CSMD1: variants seen among roughly 807,000 people sequenced by gnomAD.
The protein encoded by CSMD1 is CUB and Sushi multiple domains 1, also known as CUB and sushi domain-containing protein 1.
CSMD1 carries 213 observed loss-of-function variants against 417.5 expected under a neutral mutation model. The ratio of observed to expected loss-of-function variants is 0.51; its 90% CI spans 0.46 to 0.57. CSMD1 has a LOEUF of 0.57. Among genes scored for constraint, CSMD1 ranks in the 20% least tolerant of loss-of-function variants. The probability of loss-of-function intolerance (pLI) is 0.00; values close to 1 mark genes in which losing one functional copy is unlikely to be tolerated. For synonymous variants in CSMD1, 2,862 were observed against 1,736.8 expected, an observed-to-expected ratio of 1.65 and a Z score of -16.11; for missense variants, 6,923 against 4,529.7, an observed-to-expected ratio of 1.53 and a Z score of -15.17.
At position 4,187,625 on chromosome 8, in the gene CSMD1, G is replaced by C. The variant is rs186780701; in HGVS notation, c.416-155526C>G. 8.0e-5 allele frequency among the ~76,000 whole-genome samples: 10 copies of C among 124,890 alleles called. No individual in the cohort carries two copies. In the Admixed American group the frequency reaches 9.6e-4, roughly 12 times the overall value. 81.9% of individuals were successfully genotyped at this position (124,890 alleles called of 152,430 possible). On this transcript the variant is annotated intron_variant, in intron 3 of 69. Coordinates refer to ENST00000635120, the MANE Select transcript of CSMD1 (RefSeq NM_033225.6). ...CAGGATGTGGAGGTTGCAGTGAGCCGAGATTGCATCACTGCACTCCAGCCT... is the reference window on the plus strand; with the variant it reads ...CAGGATGTGGAGGTTGCAGTGAGCCCAGATTGCATCACTGCACTCCAGCCT...
chr8:3,511,248 A>C (rs1444732183), intron 10 of CSMD1, among the ~76,000 whole-genome samples: 1 of 151,716 alleles, frequency 6.6e-6, no homozygotes, highest in African/African-American at 2.4e-5. Flanking sequence ...GAGGCTAGGG[A>C]ATGAATAGCA....
intron 3 of CSMD1, among the ~76,000 whole-genome samples, chr8:4,399,865 A>G (rs185621929): frequency 6.6e-6 from 1 of 152,328 alleles, no homozygotes; most frequent in East Asian, 1.9e-4. Context: ...CCAGATTAAA[A>G]GTGTACCAAA....
At chr8:4,123,847 C>T (rs188141534) in intron 3 of CSMD1, among the ~76,000 whole-genome samples, 5 of 152,052 alleles carry the variant, frequency 3.3e-5, no homozygotes, top group Admixed American at 1.3e-4. Context: ...AATGAGAACA[C>T]GGAACTTTCA....
chr8:3,196,106 G>T (rs1417411138), intron 33 of CSMD1, among the ~76,000 whole-genome samples: 2 of 152,126 alleles, frequency 1.3e-5, no homozygotes, highest in East Asian at 1.9e-4. Flanking sequence ...AAACCAAGAT[G>T]GCGACTAAAG....
At chr8:3,601,812 A>C (rs1025612597) in intron 8 of CSMD1, among the ~76,000 whole-genome samples, 1 of 152,212 alleles carries the variant, frequency 6.6e-6, no homozygotes, top group Non-Finnish European at 1.5e-5. Flanking sequence ...ACTCTTCAGA[A>C]TCTCAAATGA....
intron 36 of CSMD1, among the ~76,000 whole-genome samples, chr8:3,184,291 G>C (rs1821612480): frequency 6.6e-6 from 1 of 152,080 alleles, no homozygotes; most frequent in Non-Finnish European, 1.5e-5. Flanking sequence ...ATAAACATGA[G>C]TTTATCAGCC....
At chr8:3,734,910 G>C (rs988881416) in intron 6 of CSMD1, among the ~76,000 whole-genome samples, 1 of 152,140 alleles carries the variant, frequency 6.6e-6, no homozygotes, top group African/African-American at 2.4e-5. Flanking sequence ...TTTCCAGTTA[G>C]AGACATAACT....
intron 50 of CSMD1, 24 bp from the exon 51 acceptor site, chr8:3,029,537 T>A: frequency 1.3e-6 from 2 of 1,556,182 alleles, no homozygotes; most frequent in Non-Finnish European, 1.7e-6. Context: ...GTACATCACA[T>A]CATCATTTTT....
At chr8:3,006,587 G>GT (rs566434762) in intron 52 of CSMD1, among the ~76,000 whole-genome samples, 3,016 of 151,664 alleles carry the variant, frequency 0.02, 65 homozygotes, top group African/African-American at 0.068. Flanking sequence ...ATAGATCAAT[G>GT]GAACAGAACA....
chr8:4,232,441 T>G (rs1801793996), intron 3 of CSMD1, among the ~76,000 whole-genome samples: 1 of 152,142 alleles, frequency 6.6e-6, no homozygotes, highest in African/African-American at 2.4e-5. Flanking sequence ...TCAGGTGATC[T>G]GCCCACCTCA....
intron 1 of CSMD1, among the ~76,000 whole-genome samples, chr8:4,707,563 T>A (rs1808019499): frequency 6.6e-6 from 1 of 151,858 alleles, no homozygotes; most frequent in Non-Finnish European, 1.5e-5. Flanking sequence ...CTAACTAAAT[T>A]CCCAGGTTTT....
chr8:4,040,105 T>A (rs150727356), intron 3 of CSMD1, among the ~76,000 whole-genome samples: 39 of 152,322 alleles, frequency 2.6e-4, no homozygotes, highest in Middle Eastern at 6.8e-3. Context: ...TTTTAACATA[T>A]CGCAATTTCA....
chr8:4,012,915 C>G (rs890737984), intron 4 of CSMD1, among the ~76,000 whole-genome samples: 3 of 151,972 alleles, frequency 2.0e-5, no homozygotes, highest in Admixed American at 1.3e-4. Context: ...TCCATCAGCA[C>G]CTTCTTTAAA....
intron 1 of CSMD1, among the ~76,000 whole-genome samples, chr8:4,794,198 T>G (rs1299329606): frequency 6.6e-6 from 1 of 151,750 alleles, no homozygotes; most frequent in Non-Finnish European, 1.5e-5. Flanking sequence ...ATTTTACATT[T>G]TAACAGGTCA....
chr8:4,608,406 C>A (rs1800995558), intron 2 of CSMD1, among the ~76,000 whole-genome samples: 1 of 152,180 alleles, frequency 6.6e-6, no homozygotes, highest in East Asian at 1.9e-4. Context: ...AGGATGCTTT[C>A]TCAATCTATC....
chr8:4,109,998 A>T (rs1265590226), intron 3 of CSMD1, among the ~76,000 whole-genome samples: 1 of 152,178 alleles, frequency 6.6e-6, no homozygotes, highest in African/African-American at 2.4e-5. Context: ...CCACAGAATC[A>T]TCCTGTGTTA....
chr8:4,309,147 A>C (rs1004914799), intron 3 of CSMD1, among the ~76,000 whole-genome samples: 1 of 152,172 alleles, frequency 6.6e-6, no homozygotes, highest in Non-Finnish European at 1.5e-5. Flanking sequence ...CACACAGGCC[A>C]ATTCAACAAC....
intron 1 of CSMD1, among the ~76,000 whole-genome samples, chr8:4,986,686 A>C (rs1811196457): frequency 6.6e-6 from 1 of 152,166 alleles, no homozygotes; most frequent in African/African-American, 2.4e-5. Context: ...CATTATGGAC[A>C]AGGAGCTTGA....
At chr8:4,699,129 G>A (rs1054853149) in intron 1 of CSMD1, among the ~76,000 whole-genome samples, 4 of 152,066 alleles carry the variant, frequency 2.6e-5, no homozygotes, top group African/African-American at 9.7e-5. Flanking sequence ...TCATTTACTT[G>A]GATGATGCCA....
Sources: gnomAD v4.1 joint callset for allele counts (sites outside exome capture counted in the v4.1 genomes callset) on GRCh38, gnomAD v4.1.1 for gene constraint, MANE v1.5 for transcripts, NCBI Gene and HGNC (gene_info 2026-07-23, HGNC 2026-07-21) for gene names.